The following ME3 variants were observed in gnomAD, a reference collection of about 807,000 sequenced individuals.
The protein encoded by ME3 is NADP-dependent malic enzyme, mitochondrial.
ME3 carries 48 observed loss-of-function variants against 68.9 expected under a neutral mutation model. That is an observed-to-expected ratio of 0.70 (90% confidence interval 0.55 to 0.89). ME3 has a LOEUF of 0.89. ME3 is among the 40% of genes least tolerant of loss of function. The pLI, the probability that ME3 is intolerant of heterozygous loss-of-function variation, is 0.00. For missense variants in ME3, 675 were observed against 797.4 expected, an observed-to-expected ratio of 0.85 and a Z score of 1.85; for synonymous variants, 320 against 318.8, an observed-to-expected ratio of 1.00 and a Z score of -0.04.
intron 2 of ME3, among the ~76,000 whole-genome samples, chr11:86,582,757 T>C (rs1365672270): frequency 2.0e-5 from 3 of 151,974 alleles, no homozygotes; most frequent in Admixed American, 2.0e-4. Context: ...GTGAGATCTC[T>C]TTCCCCCTAG....
intron 8 of ME3, chr11:86,457,653 G>A: frequency 7.8e-7 from 1 of 1,283,554 alleles, no homozygotes; most frequent in Non-Finnish European, 1.0e-6. Flanking sequence ...AAGCTACTTA[G>A]CTGTTTCGAG....
intron 1 of ME3, 168 bp from the exon 2 acceptor site, chr11:86,672,126 G>T (rs1175584112): frequency 1.8e-5 from 10 of 559,914 alleles, no homozygotes; most frequent in Middle Eastern, 4.9e-4. Context: ...CCACCTGCTC[G>T]GCTCCGCGCG....
chr11:86,633,473 T>C (rs150964452), intron 2 of ME3, among the ~76,000 whole-genome samples: 2 of 152,278 alleles, frequency 1.3e-5, no homozygotes, highest in Non-Finnish European at 2.9e-5. Flanking sequence ...TGCTGTTAAA[T>C]GCCACATTCC....
chr11:86,567,297 A>G (rs964580911), intron 2 of ME3, among the ~76,000 whole-genome samples: 3 of 152,136 alleles, frequency 2.0e-5, no homozygotes, highest in Non-Finnish European at 4.4e-5. Context: ...AGAGTGAATG[A>G]AAGTTAGACT....
chr11:86,571,106 C>G (rs191895556), intron 2 of ME3, among the ~76,000 whole-genome samples: 1 of 152,214 alleles, frequency 6.6e-6, no homozygotes, highest in African/African-American at 2.4e-5. Context: ...AGCAATTTGG[C>G]AATTGCACTT....
intron 2 of ME3, among the ~76,000 whole-genome samples, chr11:86,582,767 G>C (rs921954793): frequency 2.0e-5 from 3 of 151,806 alleles, no homozygotes; most frequent in Non-Finnish European, 4.4e-5. Context: ...TTTCCCCCTA[G>C]AAGAAAACCC....
chr11:86,502,114 A>G (rs2139047129), intron 5 of ME3, among the ~76,000 whole-genome samples: 1 of 152,340 alleles, frequency 6.6e-6, no homozygotes, highest in Middle Eastern at 3.4e-3. Flanking sequence ...CCAAACTGAA[A>G]TATTTCCAAT....
intron 4 of ME3, among the ~76,000 whole-genome samples, chr11:86,547,809 C>T (rs1956454950): frequency 6.6e-6 from 1 of 152,162 alleles, no homozygotes. Context: ...ATTTCCTTCT[C>T]AGGGCTAGGA....
At chr11:86,540,951 T>A (rs544275660) in intron 4 of ME3, among the ~76,000 whole-genome samples, 124 of 152,148 alleles carry the variant, frequency 8.1e-4, no homozygotes, top group Non-Finnish European at 1.4e-3. Context: ...GCTCATCTCA[T>A]TGGGATTGGT....
intron 2 of ME3, among the ~76,000 whole-genome samples, chr11:86,570,262 A>G (rs1957715147): frequency 6.6e-6 from 1 of 152,212 alleles, no homozygotes; most frequent in African/African-American, 2.4e-5. Context: ...GTGGCAGCAT[A>G]GAGGGTAGCA....
At chr11:86,564,130 G>A (rs138347149) in intron 2 of ME3, among the ~76,000 whole-genome samples, 3 of 152,094 alleles carry the variant, frequency 2.0e-5, no homozygotes, top group African/African-American at 7.2e-5. Flanking sequence ...TTTCAGCAGG[G>A]TTTTGTAGTT....
intron 7 of ME3, among the ~76,000 whole-genome samples, chr11:86,479,800 C>A (rs1438694033): frequency 6.9e-6 from 1 of 145,960 alleles, no homozygotes; most frequent in African/African-American, 2.6e-5. Context: ...GTTGAAGACA[C>A]AGCTGATGTC....
intron 4 of ME3, among the ~76,000 whole-genome samples, chr11:86,538,234 T>C (rs1160994250): frequency 6.6e-6 from 1 of 152,286 alleles, no homozygotes; most frequent in Non-Finnish European, 1.5e-5. Context: ...GGGATTTCAA[T>C]ATGGAACAAG....
chr11:86,531,152 GA>G (rs1288775191), intron 4 of ME3, among the ~76,000 whole-genome samples: 1 of 151,220 alleles, frequency 6.6e-6, no homozygotes, highest in Admixed American at 6.6e-5. Flanking sequence ...AAATTTACAA[GA>G]AAAAAACAAA....
At chr11:86,514,531 G>T (rs748201224) in intron 4 of ME3, among the ~76,000 whole-genome samples, 2 of 152,200 alleles carry the variant, frequency 1.3e-5, no homozygotes, top group Non-Finnish European at 2.9e-5. Context: ...AAGTGATGAG[G>T]CTTCAAACAA....
chr11:86,624,360 T>G (rs1052410618), intron 2 of ME3, among the ~76,000 whole-genome samples: 5 of 152,364 alleles, frequency 3.3e-5, no homozygotes, highest in Admixed American at 2.6e-4. Flanking sequence ...TCATTAGCAG[T>G]TGCTGTGAAA....
At chr11:86,441,098 TC>T (rs1365756160), downstream of ME3, 600 of 487,658 alleles carry the variant, frequency 1.2e-3, 7 homozygotes, top group Non-Finnish European at 1.1e-4. Context: ...AAAAGTGAAC[TC>T]CCAGGGCCTT....
chr11:86,473,938 A>G (rs1401753763), intron 7 of ME3, among the ~76,000 whole-genome samples: 1 of 152,240 alleles, frequency 6.6e-6, no homozygotes, highest in Non-Finnish European at 1.5e-5. Flanking sequence ...GCAAAAGCAG[A>G]GCCAATGAGT....
At chr11:86,447,001 AG>A in intron 12 of ME3, 63 bp downstream of exon 12, 1 of 1,568,768 alleles carries the variant, frequency 6.4e-7, no homozygotes, top group Non-Finnish European at 8.7e-7. Context: ...CACCCTCATG[AG>A]GTTACTCATT....
Sources: allele counts gnomAD v4.1 joint callset (sites outside exome capture counted in the v4.1 genomes callset), GRCh38; gene constraint gnomAD v4.1.1; transcripts MANE v1.5; gene names NCBI Gene and HGNC (gene_info 2026-07-23, HGNC 2026-07-21).